DIP2C: variants seen among roughly 807,000 people sequenced by gnomAD.
DIP2C encodes DIP2 acetate--CoA ligase C (putative).
Under a neutral mutation model 192.4 loss-of-function variants are expected in DIP2C, and 33 were observed. The ratio of observed to expected loss-of-function variants is 0.17; its 90% confidence interval spans 0.13 to 0.23. DIP2C has a LOEUF of 0.23. DIP2C is among the 10% of genes least tolerant of loss of function. The pLI is 1.00. For synonymous variants in DIP2C, 979 were observed against 864.1 expected, an observed-to-expected ratio of 1.13 and a Z score of -2.33; for missense variants, 1,537 against 2,110.1, an observed-to-expected ratio of 0.73 and a Z score of 5.32.
intron 1 of DIP2C, among the ~76,000 whole-genome samples, chr10:561,889 C>T (rs563120611): frequency 2.0e-5 from 3 of 152,350 alleles, no homozygotes; most frequent in African/African-American, 4.8e-5. Context: ...GCCATCTGCA[C>T]GAGTCACGCG....
At chr10:618,468 G>A (rs1047107147) in intron 1 of DIP2C, among the ~76,000 whole-genome samples, 10 of 152,218 alleles carry the variant, frequency 6.6e-5, no homozygotes, top group Non-Finnish European at 1.2e-4. Context: ...CACAGCTGTC[G>A]CTCGCACTGC....
rs973050104 is a variant in DIP2C at position 418,441 on chromosome 10, G to A, written c.739+624C>T. Among the ~76,000 whole-genome samples, 45 of 152,192 alleles carry A rather than the reference G, an allele frequency of 3.0e-4. 1 individual carries two copies. The highest frequency in any genetic ancestry group is 2.2e-3 in the Admixed American group (33 of 15,274). Reference sequence around the variant, plus strand: ...TCACACAAGGGCATTGTATTTCACCGCTAGGTTCTACCCTGACTTTTATGA... The same window carrying A: ...TCACACAAGGGCATTGTATTTCACCACTAGGTTCTACCCTGACTTTTATGA... On this transcript the variant is annotated intron_variant, in intron 6 of 36. Transcript: ENST00000280886.
At chr10:581,053 C>CA (rs1381204161) in intron 1 of DIP2C, among the ~76,000 whole-genome samples, 2 of 152,156 alleles carry the variant, frequency 1.3e-5, no homozygotes, top group Non-Finnish European at 2.9e-5. Context: ...ACCAATGTCC[C>CA]AGGGTGAGGG....
intron 8 of DIP2C, among the ~76,000 whole-genome samples, chr10:410,148 T>C (rs1589727716): frequency 6.6e-6 from 1 of 152,314 alleles, no homozygotes; most frequent in East Asian, 1.9e-4. Context: ...CTTAGATTAG[T>C]GTTATTATTA....
intron 1 of DIP2C, among the ~76,000 whole-genome samples, chr10:567,880 C>T (rs1006998659): frequency 6.6e-5 from 10 of 152,156 alleles, no homozygotes; most frequent in Non-Finnish European, 1.3e-4. Flanking sequence ...TCCACCCACC[C>T]CAGCTCCCCA....
intron 2 of DIP2C, among the ~76,000 whole-genome samples, chr10:483,636 G>C (rs187251573): frequency 6.6e-6 from 1 of 152,266 alleles, no homozygotes; most frequent in East Asian, 1.9e-4. Flanking sequence ...CAGCCCTGTC[G>C]CCTTCTCATC....
At chr10:370,848 CAT>C (rs1396985187) in intron 17 of DIP2C, among the ~76,000 whole-genome samples, 4 of 151,826 alleles carry the variant, frequency 2.6e-5, no homozygotes, top group Non-Finnish European at 5.9e-5. Context: ...AATGGGGAAA[CAT>C]AAAAGTTAAT....
chr10:586,003 C>CAA (rs1393627817), intron 1 of DIP2C, among the ~76,000 whole-genome samples: 2 of 152,182 alleles, frequency 1.3e-5, no homozygotes, highest in Non-Finnish European at 2.9e-5. Flanking sequence ...CAACGGGCCT[C>CAA]AAGGAGACAC....
intron 7 of DIP2C, among the ~76,000 whole-genome samples, chr10:415,162 G>A (rs1235704956): frequency 2.0e-5 from 3 of 151,940 alleles, no homozygotes; most frequent in Admixed American, 6.6e-5. Flanking sequence ...CCTTGAGAGA[G>A]GTGAAGAATG....
intron 7 of DIP2C, among the ~76,000 whole-genome samples, chr10:414,878 G>GTA (rs1965508875): frequency 1.6e-5 from 1 of 61,250 alleles, no homozygotes; most frequent in Non-Finnish European, 3.6e-5. Flanking sequence ...GTGTGTGTGT[G>GTA]TGTGTGTGTG....
chr10:592,957 T>C (rs1851488796), intron 1 of DIP2C, among the ~76,000 whole-genome samples: 1 of 152,216 alleles, frequency 6.6e-6, no homozygotes, highest in East Asian at 1.9e-4. Context: ...CACTGTTATT[T>C]GTACTTCAAA....
chr10:598,123 C>G (rs908929677), intron 1 of DIP2C, among the ~76,000 whole-genome samples: 11 of 152,240 alleles, frequency 7.2e-5, no homozygotes, highest in Non-Finnish European at 1.5e-4. Flanking sequence ...CACGGCCTCC[C>G]ACGAGGAAAG....
At chr10:562,553 C>T (rs1366438937) in intron 1 of DIP2C, among the ~76,000 whole-genome samples, 1 of 152,218 alleles carries the variant, frequency 6.6e-6, no homozygotes, top group Non-Finnish European at 1.5e-5. Context: ...TTTCCATATG[C>T]ACACGGATGG....
At position 651,821 on chromosome 10, in the gene DIP2C, T is replaced by C. The variant is rs540118638; in HGVS notation, c.85+37673A>G. 249 of 234,258 alleles carry C rather than the reference T, an allele frequency of 1.1e-3. No homozygotes were observed. The highest frequency in any genetic ancestry group is 1.0e-3 in the Non-Finnish European group (121 of 118,738). 14.5% of individuals were successfully genotyped at this position (234,258 alleles called of 1,614,324 possible). The stretch of plus-strand genomic sequence containing the variant: ...AGCAGCAGCTGCGGCATGAGAGAGA[T>C]GGTGTGGGGCGAAACCAATGGGGAA... On this transcript the variant is annotated intron_variant, in intron 1 of 36. Transcript: ENST00000280886. The surrounding 1 kb of genome is among the most constrained non-coding windows in gnomAD (Gnocchi z 4.1).
intron 1 of DIP2C, among the ~76,000 whole-genome samples, chr10:548,196 C>T (rs148910327): frequency 1.8e-3 from 208 of 112,776 alleles, no homozygotes; most frequent in African/African-American, 6.4e-3. Context: ...CCAATTCACA[C>T]GAGTCTGCCC....
intron 1 of DIP2C, among the ~76,000 whole-genome samples, chr10:670,164 A>G (rs895313830): frequency 3.3e-5 from 5 of 152,156 alleles, no homozygotes; most frequent in Admixed American, 6.5e-5. Flanking sequence ...GCACGTGCGC[A>G]CATGCATGAA....
chr10:326,788 AGAGT>A (rs1320086187), intron 31 of DIP2C, among the ~76,000 whole-genome samples: 4 of 152,252 alleles, frequency 2.6e-5, no homozygotes, highest in Admixed American at 6.5e-5. Context: ...GTTCCAGGAC[AGAGT>A]AAGTCCTATG....
At position 617,646 on chromosome 10, in the gene DIP2C, G is replaced by A. The variant is rs528893886; in HGVS notation, c.85+71848C>T. On this transcript the variant is annotated intron_variant, in intron 1 of 36. Transcript: ENST00000280886. ...ACCCAGCCCCACTGTCCAGGCTCCT[G>A]TGGATACCACCCCCCCACCCCCACC... is the stretch of plus-strand genomic sequence containing the variant. Among the ~76,000 whole-genome samples, 4 of 149,816 alleles carry A rather than the reference G, an allele frequency of 2.7e-5. No individual in the cohort carries two copies. In the East Asian group the frequency reaches 6.0e-4, roughly 22 times the overall value.
At chr10:687,112 T>A (rs1419310525) in intron 1 of DIP2C, among the ~76,000 whole-genome samples, 1 of 152,236 alleles carries the variant, frequency 6.6e-6, no homozygotes, top group Admixed American at 6.5e-5. Context: ...TGGGAAATAA[T>A]TCAGCATTAA....
Sources: gnomAD v4.1 joint callset for allele counts (sites outside exome capture counted in the v4.1 genomes callset) on GRCh38, gnomAD v4.1.1 for gene constraint, Gnocchi (gnomAD v3.1) non-coding constraint, MANE v1.5 for transcripts, NCBI Gene and HGNC (gene_info 2026-07-23, HGNC 2026-07-21) for gene names.